FAM169A: variants seen among roughly 807,000 people sequenced by gnomAD.
FAM169A encodes family with sequence similarity 169 member A, also known as soluble lamin-associated protein of 75 kDa.
A neutral mutation model predicts 75.7 loss-of-function variants in FAM169A; 24 were observed. That is an observed-to-expected ratio of 0.32 (90% confidence interval 0.23 to 0.45). FAM169A has a LOEUF of 0.45. Ranked by LOEUF, FAM169A falls within the 20% of genes least tolerant of loss-of-function variation. FAM169A has a pLI of 1.00. For synonymous variants in FAM169A, 271 were observed against 271.0 expected, an observed-to-expected ratio of 1.00 and a Z score of 0.00; for missense variants, 673 against 784.0, an observed-to-expected ratio of 0.86 and a Z score of 1.69.
chr5:74,835,694 T>G (rs1230663551), intron 4 of FAM169A, among the ~76,000 whole-genome samples: 1 of 150,910 alleles, frequency 6.6e-6, no homozygotes, highest in Non-Finnish European at 1.5e-5. Flanking sequence ...GTTCAGTGGA[T>G]AGAGAAAAGA....
intron 1 of FAM169A, among the ~76,000 whole-genome samples, 163 bp from the exon 2 acceptor site, chr5:74,841,842 T>C (rs1316304674): frequency 6.6e-6 from 1 of 152,196 alleles, no homozygotes; most frequent in African/African-American, 2.4e-5. Context: ...GATTTAACCA[T>C]GCATGTCAAA....
intron 1 of FAM169A, among the ~76,000 whole-genome samples, chr5:74,861,252 A>G (rs1452504980): frequency 6.6e-6 from 1 of 152,192 alleles, no homozygotes; most frequent in African/African-American, 2.4e-5. Context: ...TCACCTAACT[A>G]TAAGCCTTGG....
At chr5:74,865,600 G>A (rs1380930758) in intron 1 of FAM169A, 4 of 152,408 alleles carry the variant, frequency 2.6e-5, no homozygotes, top group Non-Finnish European at 5.9e-5. Flanking sequence ...ACACAATTAG[G>A]ACAAAACTGC....
chr5:74,836,662 C>T (rs536374083), intron 4 of FAM169A, among the ~76,000 whole-genome samples: 1 of 152,216 alleles, frequency 6.6e-6, no homozygotes, highest in Non-Finnish European at 1.5e-5. Context: ...TAAGAGGGAA[C>T]GTAGGCCAGG....
chr5:74,810,896 G>T (rs1580112173), intron 6 of FAM169A, among the ~76,000 whole-genome samples: 1 of 127,136 alleles, frequency 7.9e-6, no homozygotes, highest in African/African-American at 3.0e-5. Context: ...CTACAGCCTT[G>T]AACTCCTGTA....
At chr5:74,838,541 C>T (rs1439807081) in intron 4 of FAM169A, among the ~76,000 whole-genome samples, 2 of 152,158 alleles carry the variant, frequency 1.3e-5, no homozygotes, top group South Asian at 2.1e-4. Flanking sequence ...TGGAAGCTTG[C>T]TCTCTCCTGA....
At chr5:74,808,983 G>T (rs1398017747) in intron 6 of FAM169A, among the ~76,000 whole-genome samples, 5 of 152,022 alleles carry the variant, frequency 3.3e-5, no homozygotes, top group Non-Finnish European at 5.9e-5. Flanking sequence ...TATGTTCTGG[G>T]TTTAGTTTCC....
rs745990936 is a variant in FAM169A, at chr5:74,834,430, A to G, written c.486T>C (p.Pro162=). Residue 162 remains proline (P), a synonymous_variant, in exon 5 of 13, where the codon CCT becomes CCC. Transcript: ENST00000687041. ...GEAIGFYSVK[P]TGSICASFLT... The stretch of plus-strand genomic sequence containing the variant: ...AAATAACTTTTAAAGACTCACCTGT[A>G]GGCTTAACTGAATAAAACCCAATGG... The G allele has an allele frequency of 6.7e-7, 1 of 1,494,864 alleles. No individual in the cohort carries two copies. The highest frequency in any genetic ancestry group is 9.0e-7 in the Non-Finnish European group (1 of 1,117,090). The allele number at this position is 1,494,864 out of a possible 1,614,324, so 92.6% of individuals were successfully genotyped here.
chr5:74,787,282 G>A (rs1345141525), intron 11 of FAM169A, among the ~76,000 whole-genome samples: 1 of 152,178 alleles, frequency 6.6e-6, no homozygotes, highest in African/African-American at 2.4e-5. Context: ...TTGCTGCTCA[G>A]GGAATTTAAA....
At chr5:74,816,631 A>AGT (rs1747485688) in intron 5 of FAM169A, among the ~76,000 whole-genome samples, 1 of 152,206 alleles carries the variant, frequency 6.6e-6, no homozygotes, top group African/African-American at 2.4e-5. Flanking sequence ...AATCAAATAA[A>AGT]GAGCAGAAAA....
chr5:74,788,750 C>T (rs113841384), intron 11 of FAM169A, among the ~76,000 whole-genome samples: 127 of 152,070 alleles, frequency 8.4e-4, no homozygotes, highest in African/African-American at 2.9e-3. Flanking sequence ...AACACAATAT[C>T]GCATCCCTGG....
intron 11 of FAM169A, among the ~76,000 whole-genome samples, chr5:74,787,272 T>C (rs755007655): frequency 4.6e-5 from 7 of 152,224 alleles, no homozygotes; most frequent in Non-Finnish European, 1.0e-4. Context: ...GCATTTAATG[T>C]TGCTGCTCAG....
At chr5:74,805,132 T>C in intron 7 of FAM169A, 24 bp downstream of exon 7, 2 of 1,607,902 alleles carry the variant, frequency 1.2e-6, no homozygotes, top group Middle Eastern at 1.7e-4. Flanking sequence ...ACTGAACTTA[T>C]GTTCAAACTG....
At chr5:74,858,606 A>G (rs1434118583) in intron 1 of FAM169A, among the ~76,000 whole-genome samples, 1 of 152,150 alleles carries the variant, frequency 6.6e-6, no homozygotes, top group Non-Finnish European at 1.5e-5. Context: ...GGAGGAGTGT[A>G]AGGGTCAAAA....
At chr5:74,829,574 A>G (rs1158363212) in intron 5 of FAM169A, among the ~76,000 whole-genome samples, 1 of 151,920 alleles carries the variant, frequency 6.6e-6, no homozygotes, top group Non-Finnish European at 1.5e-5. Context: ...AGGTGGATCA[A>G]TTGAGCCTAG....
intron 10 of FAM169A, chr5:74,799,240 G>A: frequency 6.9e-7 from 1 of 1,452,056 alleles, no homozygotes; most frequent in Non-Finnish European, 9.7e-7. Flanking sequence ...GAGTCAGAAA[G>A]ATGGTGTCTG....
intron 6 of FAM169A, among the ~76,000 whole-genome samples, chr5:74,813,195 G>A (rs187364167): frequency 6.6e-6 from 1 of 152,284 alleles, no homozygotes; most frequent in Non-Finnish European, 1.5e-5. Flanking sequence ...AATTGGTACA[G>A]GGTTTCTTTT....
At chr5:74,811,008 A>T (rs1365534799) in intron 6 of FAM169A, among the ~76,000 whole-genome samples, 1 of 135,444 alleles carries the variant, frequency 7.4e-6, no homozygotes, top group Non-Finnish European at 1.5e-5. Context: ...CTTCAGACAG[A>T]GTCTCGCTCT....
At chr5:74,793,652 A>G (rs1007832490) in intron 11 of FAM169A, among the ~76,000 whole-genome samples, 1 of 152,116 alleles carries the variant, frequency 6.6e-6, no homozygotes, top group Non-Finnish European at 1.5e-5. Context: ...AGAAATCACC[A>G]CTAATGAATT....
Sources: allele counts gnomAD v4.1 joint callset (sites outside exome capture counted in the v4.1 genomes callset), GRCh38; gene constraint gnomAD v4.1.1; transcripts MANE v1.5; gene names NCBI Gene and HGNC (gene_info 2026-07-23, HGNC 2026-07-21).